Variants in NTRK2 observed in about 807,000 individuals in gnomAD.
NTRK2 encodes BDNF/NT-3 growth factors receptor.
Under a neutral mutation model 94.5 loss-of-function variants are expected in NTRK2, and 13 were observed. The ratio of observed to expected loss-of-function variants is 0.14; its 90% CI spans 0.09 to 0.22. The LOEUF is 0.22. Ranked by LOEUF, NTRK2 falls within the 10% of genes least tolerant of loss-of-function variation. NTRK2 has a pLI of 1.00. For synonymous variants in NTRK2, 372 were observed against 407.4 expected (o/e 0.91, Z 1.05); for missense variants, 639 against 1,071.2 (o/e 0.60, Z 5.63).
chr9:84,671,311 TA>T (rs1185590261), intron 2 of NTRK2, among the ~76,000 whole-genome samples: 1 of 152,232 alleles, frequency 6.6e-6, no homozygotes, highest in East Asian at 1.9e-4. Context: ...TTTTGTTTCA[TA>T]AAGTGCTGTG....
intron 4 of NTRK2, among the ~76,000 whole-genome samples, chr9:84,704,819 T>C (rs909601271): frequency 1.3e-5 from 2 of 152,170 alleles, no homozygotes; most frequent in African/African-American, 4.8e-5. Context: ...AGGCTCTTAA[T>C]CACCAAAATC....
intron 8 of NTRK2, among the ~76,000 whole-genome samples, chr9:84,725,910 T>C (rs1308109531): frequency 1.3e-5 from 2 of 152,148 alleles, no homozygotes; most frequent in Non-Finnish European, 2.9e-5. Context: ...GCACAGGTGC[T>C]CAGTTGAGAG....
chr9:84,942,115 A>G (rs1297360722), intron 15 of NTRK2, among the ~76,000 whole-genome samples: 1 of 151,966 alleles, frequency 6.6e-6, no homozygotes, highest in Non-Finnish European at 1.5e-5. Flanking sequence ...AGCACATAGC[A>G]AGCACAATCT....
At chr9:84,828,036 A>G (rs1011799049) in intron 12 of NTRK2, among the ~76,000 whole-genome samples, 25 of 152,188 alleles carry the variant, frequency 1.6e-4, no homozygotes, top group Non-Finnish European at 3.4e-4. Flanking sequence ...TCCAATTTTC[A>G]TACCCATTGA....
chr9:84,727,982 T>C, intron 9 of NTRK2, 23 bp downstream of exon 9: 2 of 1,606,652 alleles, frequency 1.2e-6, no homozygotes, highest in Non-Finnish European at 1.7e-6. Context: ...CACTTTTGTA[T>C]GTGGGGAGAA....
At chr9:84,824,361 C>G (rs1254773005) in intron 12 of NTRK2, among the ~76,000 whole-genome samples, 1 of 152,226 alleles carries the variant, frequency 6.6e-6, no homozygotes, top group Non-Finnish European at 1.5e-5. Flanking sequence ...TCTTTTGACT[C>G]TGTGGCCAGT....
chr9:84,883,258 G>C (rs771613332), intron 14 of NTRK2, among the ~76,000 whole-genome samples: 1 of 152,230 alleles, frequency 6.6e-6, no homozygotes, highest in Non-Finnish European at 1.5e-5. Context: ...GAAGGACCAT[G>C]AAGCTGGGTA....
chr9:84,833,688 CTAAGA>C (rs549692626), intron 12 of NTRK2, among the ~76,000 whole-genome samples: 18 of 152,036 alleles, frequency 1.2e-4, no homozygotes, highest in Non-Finnish European at 2.2e-4. Flanking sequence ...CCTATAGATA[CTAAGA>C]TGAGTGTCCA....
intron 15 of NTRK2, among the ~76,000 whole-genome samples, chr9:84,937,660 T>TC (rs374887136): frequency 2.6e-4 from 40 of 152,062 alleles, no homozygotes; most frequent in African/African-American, 7.3e-4. Context: ...CATTTTTTTT[T>TC]CCCTTTGCAC....
intron 17 of NTRK2, among the ~76,000 whole-genome samples, chr9:84,981,834 T>G (rs1827665598): frequency 1.3e-5 from 2 of 152,138 alleles, no homozygotes; most frequent in African/African-American, 2.4e-5. Flanking sequence ...GTTTTATTGA[T>G]TATTTGGAAG....
chr9:84,724,813 T>C (rs2062330138), intron 8 of NTRK2, among the ~76,000 whole-genome samples: 2 of 152,250 alleles, frequency 1.3e-5, no homozygotes, highest in Admixed American at 1.3e-4. Context: ...TCTTTTGTTA[T>C]CAAGTTTCTG....
At chr9:84,826,852 T>G in intron 12 of NTRK2, among the ~76,000 whole-genome samples, 1 of 152,350 alleles carries the variant, frequency 6.6e-6, no homozygotes, top group Non-Finnish European at 1.5e-5. Context: ...GAAAGAGACA[T>G]ATCATATGGC....
intron 14 of NTRK2, among the ~76,000 whole-genome samples, chr9:84,928,164 T>A (rs756455181): frequency 4.6e-5 from 7 of 152,234 alleles, no homozygotes; most frequent in Non-Finnish European, 7.3e-5. Context: ...TAGTACCAAC[T>A]TGTATCTTAA....
intron 6 of NTRK2, among the ~76,000 whole-genome samples, chr9:84,716,190 A>C (rs956176179): frequency 1.3e-4 from 20 of 152,282 alleles, no homozygotes; most frequent in African/African-American, 4.8e-4. Context: ...ATGGATTGAA[A>C]TCAGACTTGC....
chr9:84,812,236 G>A, intron 12 of NTRK2: 1 of 1,056,156 alleles, frequency 9.5e-7, no homozygotes, highest in Non-Finnish European at 1.1e-6. Flanking sequence ...TATCCATAAT[G>A]AATATTTTAT....
Position 84,670,933 on chromosome 9 carries a change from G to T in NTRK2, c.185G>T (p.Ser62Ile). 6.2e-7 allele frequency: 1 copy of T among 1,607,060 alleles called. No individual in the cohort carries two copies. Among genetic ancestry groups the T allele is most frequent in the Non-Finnish European group, 8.5e-7 (1 of 1,179,996 alleles). ...IVAFPRLEPN[S>I]VDPENITEIF... ...GCATTTCCGAGATTGGAGCCTAACA[G>T]TGTAGATCCTGAGAACATCACCGAA... The change falls in exon 2 of 19, where the codon AGT becomes ATT. Residue 62 changes from serine to isoleucine, a missense_variant. By Grantham distance (142) the Ser-to-Ile change is moderately radical. Transcript: ENST00000277120.
chr9:84,718,147 G>T (rs1230149917), intron 6 of NTRK2, among the ~76,000 whole-genome samples: 6 of 151,570 alleles, frequency 4.0e-5, no homozygotes, highest in African/African-American at 1.5e-4. Flanking sequence ...GACACACTTT[G>T]GGGAAAATTT....
rs192812222 is a variant in NTRK2 at position 84,930,983 on chromosome 9, T to C, written c.1634-3179T>C. ...ATAACATAGTCAAGTAGTACTTGTC[T>C]GTGGTTATCATTATTAAACATATTT... On this transcript the variant is annotated intron_variant, in intron 14 of 18. Coordinates refer to ENST00000277120, the MANE Select transcript of NTRK2 (RefSeq NM_006180.6). Among the ~76,000 whole-genome samples the C allele has an allele frequency of 1.3e-4, 20 of 152,376 alleles. 1 individual carries two copies. In the East Asian group the frequency reaches 3.9e-3, roughly 29 times the overall value.
chr9:84,875,981 G>A, intron 14 of NTRK2: 1 of 1,036,864 alleles, frequency 9.6e-7, no homozygotes, highest in Non-Finnish European at 1.2e-6. Flanking sequence ...AGGCAGGGGG[G>A]AATCCCAGAA....
Sources: allele counts gnomAD v4.1 joint callset (sites outside exome capture counted in the v4.1 genomes callset), GRCh38; gene constraint gnomAD v4.1.1; transcripts MANE v1.5; gene names NCBI Gene and HGNC (gene_info 2026-07-23, HGNC 2026-07-21).